The following ADAMTSL1 variants were observed in gnomAD, a reference collection of about 807,000 sequenced individuals.
The protein encoded by ADAMTSL1 is ADAMTS like 1, also known as ADAMTS-like protein 1.
A neutral mutation model predicts 201.8 loss-of-function variants in ADAMTSL1; 126 were observed. That is an observed-to-expected ratio of 0.62 (90% CI 0.54 to 0.72). The LOEUF (loss-of-function observed/expected upper bound fraction) is 0.72. Ranked by LOEUF, ADAMTSL1 falls within the 30% of genes least tolerant of loss-of-function variation. ADAMTSL1 has a pLI of 0.00. For synonymous variants in ADAMTSL1, 1,121 were observed against 903.4 expected (o/e 1.24, Z -4.32); for missense variants, 2,679 against 2,277.8 (o/e 1.18, Z -3.59).
intron 2 of ADAMTSL1, among the ~76,000 whole-genome samples, chr9:18,330,332 T>G (rs1834980195): frequency 6.6e-6 from 1 of 151,848 alleles, no homozygotes; most frequent in African/African-American, 2.4e-5. Context: ...CCTTTTTCCT[T>G]CTCCCTGATC....
intron 1 of ADAMTSL1, among the ~76,000 whole-genome samples, chr9:17,983,051 T>G: frequency 7.1e-6 from 1 of 141,728 alleles, no homozygotes; most frequent in Non-Finnish European, 1.5e-5. Context: ...TTCATTTTCT[T>G]TTTCTTTTCT....
At chr9:18,504,382 T>C (rs1823008584) in intron 1 of ADAMTSL1, among the ~76,000 whole-genome samples, 1 of 152,194 alleles carries the variant, frequency 6.6e-6, no homozygotes, top group South Asian at 2.1e-4. Context: ...TAAAAAATTG[T>C]CGATGGTATA....
chr9:18,074,092 C>G (rs1421388902), intron 1 of ADAMTSL1, among the ~76,000 whole-genome samples: 1 of 152,022 alleles, frequency 6.6e-6, no homozygotes, highest in Non-Finnish European at 1.5e-5. Context: ...CTAAGAACTC[C>G]TTACGCTTTG....
intron 1 of ADAMTSL1, among the ~76,000 whole-genome samples, chr9:18,112,293 C>A (rs16936330): frequency 0.094 from 14,244 of 152,012 alleles, 1,324 homozygotes; most frequent in African/African-American, 0.25. Flanking sequence ...ATGCAAGTGC[C>A]ATCTGAAAGT....
intron 20 of ADAMTSL1, among the ~76,000 whole-genome samples, chr9:18,815,319 A>G (rs1304744005): frequency 6.6e-6 from 1 of 152,086 alleles, no homozygotes; most frequent in Non-Finnish European, 1.5e-5. Context: ...GTGTCCATCA[A>G]CAGATGAATG....
intron 2 of ADAMTSL1, among the ~76,000 whole-genome samples, chr9:18,224,422 A>G (rs1158015766): frequency 6.6e-6 from 1 of 152,004 alleles, no homozygotes; most frequent in Non-Finnish European, 1.5e-5. Flanking sequence ...CATAACCTAA[A>G]CACCTCCCCA....
chr9:18,253,310 G>T lies in ADAMTSL1; in HGVS notation c.207+89329G>T, dbSNP rs554506900. 8.3e-4 allele frequency among the ~76,000 whole-genome samples: 126 copies of T among 152,314 alleles called. 1 individual carries two copies. Among genetic ancestry groups the T allele is most frequent in the African/African-American group, 3.0e-3 (123 of 41,566 alleles). On this transcript the variant is annotated intron_variant, in intron 2 of 29. Coordinates refer to the ADAMTSL1 transcript ENST00000680146. ...AAGGAGGGAATGAAAGGGACCCTGG[G>T]TGGATGGAGATGACTAATTTCTCCT...
intron 2 of ADAMTSL1, among the ~76,000 whole-genome samples, chr9:18,378,153 C>T (rs1837389557): frequency 6.6e-6 from 1 of 152,168 alleles, no homozygotes; most frequent in African/African-American, 2.4e-5. Flanking sequence ...ACTCATATCT[C>T]ATGGCTCTGA....
intron 23 of ADAMTSL1, among the ~76,000 whole-genome samples, chr9:18,886,225 T>C (rs112570290): frequency 0.13 from 17,733 of 135,742 alleles, 1,421 homozygotes; most frequent in South Asian, 0.23. Flanking sequence ...CACACATACA[T>C]ATACATACAT....
chr9:18,648,840 T>G (rs1217685568), intron 7 of ADAMTSL1, among the ~76,000 whole-genome samples: 8 of 152,082 alleles, frequency 5.3e-5, no homozygotes, highest in Non-Finnish European at 8.8e-5. Context: ...TCATTTCAAC[T>G]TTGGTGAATC....
intron 1 of ADAMTSL1, among the ~76,000 whole-genome samples, chr9:18,492,388 A>T (rs1822310806): frequency 6.6e-6 from 1 of 152,214 alleles, no homozygotes; most frequent in African/African-American, 2.4e-5. Flanking sequence ...ATTAATAAAA[A>T]GTACAGAGTA....
At position 18,064,952 on chromosome 9, in the gene ADAMTSL1, A is replaced by G. The variant is rs577243401; in HGVS notation, c.88-98910A>G. 4.1e-5 allele frequency among the ~76,000 whole-genome samples: 5 copies of G among 120,940 alleles called. No individual in the cohort carries two copies. In the East Asian group the frequency reaches 1.3e-3, roughly 30 times the overall value. The allele number at this position is 120,940 out of a possible 152,430, so 79.3% of individuals were successfully genotyped here. A position where few individuals can be genotyped will look rare whatever the true frequency, so the allele number is the denominator to read the frequency against. ...TGATTCAGAAAGCAGTATTTGCTAA[A>G]GATTTTTTTTTTTTTTTTTTTTTTT... is the stretch of plus-strand genomic sequence containing the variant. On this transcript the variant is annotated intron_variant, in intron 1 of 29. Coordinates refer to the ADAMTSL1 transcript ENST00000680146.
At chr9:18,899,254 C>G (rs1272706116) in intron 26 of ADAMTSL1, among the ~76,000 whole-genome samples, 1 of 151,616 alleles carries the variant, frequency 6.6e-6, no homozygotes, top group Non-Finnish European at 1.5e-5. Flanking sequence ...AGTGAGGGAC[C>G]TCTTCAAGGA....
At chr9:18,799,824 TAAAAA>T (rs1310416924) in intron 20 of ADAMTSL1, among the ~76,000 whole-genome samples, 11 of 152,134 alleles carry the variant, frequency 7.2e-5, no homozygotes, top group Non-Finnish European at 1.5e-4. Flanking sequence ...ACTGGGAAAA[TAAAAA>T]TAAAAGGCAA....
At chr9:18,700,605 A>G (rs1831868166) in intron 13 of ADAMTSL1, among the ~76,000 whole-genome samples, 1 of 152,174 alleles carries the variant, frequency 6.6e-6, no homozygotes. Flanking sequence ...TCAACTTTTC[A>G]AAGTTTAAAA....
At chr9:18,770,492 C>T in intron 16 of ADAMTSL1, 110 bp from the exon 17 acceptor site, 1 of 1,159,772 alleles carries the variant, frequency 8.6e-7, no homozygotes, top group Non-Finnish European at 1.2e-6. Context: ...TCTTCTTCTT[C>T]TGGATTTTTT....
chr9:18,064,875 T>C (rs1297843004), intron 1 of ADAMTSL1, among the ~76,000 whole-genome samples: 1 of 150,924 alleles, frequency 6.6e-6, no homozygotes, highest in Non-Finnish European at 1.5e-5. Flanking sequence ...CAAAATATTA[T>C]ATATAAAGTT....
intron 2 of ADAMTSL1, among the ~76,000 whole-genome samples, chr9:18,245,246 T>C (rs1831214765): frequency 6.6e-6 from 1 of 152,114 alleles, no homozygotes; most frequent in African/African-American, 2.4e-5. Context: ...TTCTAATAGA[T>C]GCATTTAAAA....
chr9:18,611,417 G>A (rs1825357520), intron 4 of ADAMTSL1, among the ~76,000 whole-genome samples: 1 of 152,136 alleles, frequency 6.6e-6, no homozygotes, highest in Non-Finnish European at 1.5e-5. Context: ...GTGTCTGTAT[G>A]CACAAATGTC....
Sources: allele counts gnomAD v4.1 joint callset (sites outside exome capture counted in the v4.1 genomes callset), GRCh38; gene constraint gnomAD v4.1.1; transcripts MANE v1.5; gene names NCBI Gene and HGNC (gene_info 2026-07-23, HGNC 2026-07-21).